TEX11: variants seen among roughly 807,000 people sequenced by gnomAD.
TEX11 encodes testis-expressed protein 11.
A neutral mutation model predicts 84.4 loss-of-function variants in TEX11; 7 were observed. The observed-to-expected ratio is 0.08, with a 90% CI of 0.05 to 0.16. The LOEUF (loss-of-function observed/expected upper bound fraction) is 0.16, where lower values mean the gene tolerates loss of function less well. Ranked by LOEUF, TEX11 falls within the 10% of genes least tolerant of loss-of-function variation. TEX11 has a pLI of 1.00. For missense variants in TEX11, 551 were observed against 660.5 expected, an observed-to-expected ratio of 0.83 and a Z score of 1.82; for synonymous variants, 264 against 222.8, an observed-to-expected ratio of 1.18 and a Z score of -1.64.
At chrX:70,665,113 T>C (rs371204078) in intron 16 of TEX11, among the ~76,000 whole-genome samples, 1 of 110,763 alleles carries the variant, frequency 9.0e-6, no homozygotes, top group East Asian at 2.8e-4. Flanking sequence ...GGTTTGAGAG[T>C]GTGGTTCAGT....
intron 9 of TEX11, among the ~76,000 whole-genome samples, chrX:70,788,959 TATATATATATATATAGAGAGAGAGAGAG>T (rs1168254039): frequency 2.0e-4 from 9 of 44,067 alleles, no homozygotes; most frequent in African/African-American, 6.0e-4. Flanking sequence ...TATATATATA[TATATATATATATATAGAGAGAGAGAGAG>T]AGAGAGAGAG....
chrX:70,560,893 G>GTTTTTTTTTTTTTTTTTTTTTTTTTT (rs745618647), intron 25 of TEX11, among the ~76,000 whole-genome samples: 1 of 33,576 alleles, frequency 3.0e-5, no homozygotes, highest in Non-Finnish European at 4.7e-5. Context: ...CACCACACCG[G>GTTTTTTTTTTTTTTTTTTTTTTTTTT]TTTTTTTTTT....
intron 7 of TEX11, among the ~76,000 whole-genome samples, chrX:70,843,012 C>T (rs1212779158): frequency 2.4e-4 from 27 of 111,978 alleles, no homozygotes; most frequent in Non-Finnish European, 1.3e-4. Flanking sequence ...ATTCCATGCT[C>T]ATGGGTAGAA....
intron 12 of TEX11, among the ~76,000 whole-genome samples, chrX:70,724,661 C>T (rs1378780175): frequency 9.0e-6 from 1 of 111,085 alleles, no homozygotes; most frequent in Non-Finnish European, 1.9e-5. Flanking sequence ...ATAATAATAA[C>T]TACAGTAATA....
intron 7 of TEX11, among the ~76,000 whole-genome samples, chrX:70,847,459 T>C (rs2091485785): frequency 9.0e-6 from 1 of 111,490 alleles, no homozygotes; most frequent in Non-Finnish European, 1.9e-5. Context: ...TTCTCCAAAC[T>C]CTCTTCTCGT....
At chrX:70,661,435 C>T (rs907480044) in intron 16 of TEX11, among the ~76,000 whole-genome samples, 4 of 112,685 alleles carry the variant, frequency 3.5e-5, no homozygotes, top group Admixed American at 1.9e-4. Context: ...CCTCTGTAGA[C>T]TCCACCTCTG....
intron 20 of TEX11, among the ~76,000 whole-genome samples, chrX:70,621,470 GAGATCACAC>G (rs1324613681): frequency 1.3e-5 from 1 of 77,719 alleles, no homozygotes; most frequent in Admixed American, 1.8e-4. Context: ...GCAGTGAGCC[GAGATCACAC>G]CACTGCACTC....
chrX:70,553,084 T>G (rs2147947230), intron 27 of TEX11, among the ~76,000 whole-genome samples: 1 of 112,143 alleles, frequency 8.9e-6, no homozygotes, highest in South Asian at 3.7e-4. Flanking sequence ...AAGAAGCAAC[T>G]TTTCCCCTTT....
At chrX:70,590,855 C>G (rs1213722608) in intron 25 of TEX11, among the ~76,000 whole-genome samples, 2 of 111,471 alleles carry the variant, frequency 1.8e-5, no homozygotes, top group East Asian at 5.7e-4. Flanking sequence ...TCAAGAGATT[C>G]AAGGATGCCT....
At chrX:70,896,721 G>GGA (rs2091767882) in intron 2 of TEX11, among the ~76,000 whole-genome samples, 1 of 111,070 alleles carries the variant, frequency 9.0e-6, no homozygotes, top group Admixed American at 9.7e-5. Context: ...TCCTTTGCAG[G>GGA]GACATGGATG....
At position 70,675,607 on chromosome X, in the gene TEX11, C is replaced by T. The variant is rs185323236; in HGVS notation, c.1242+3197G>A. 7.5e-5 allele frequency among the ~76,000 whole-genome samples: 8 copies of T among 107,129 alleles called. No homozygotes were observed. In the Admixed American group the frequency reaches 8.1e-4, roughly 11 times the overall value. 93.0% of individuals were successfully genotyped at this position (107,129 alleles called of 115,157 possible). A position where few individuals can be genotyped will look rare whatever the true frequency, so the allele number is the denominator to read the frequency against. On this transcript the variant is annotated intron_variant, in intron 15 of 29. Transcript: ENST00000374333. Reference sequence around the variant, plus strand: ...TTCTTTCTCTTCTCGTTTCTCTTCTCTTCTCTTCCCCTCTTCCTTTCTGTT... The same window carrying T: ...TTCTTTCTCTTCTCGTTTCTCTTCTTTTCTCTTCCCCTCTTCCTTTCTGTT...
intron 9 of TEX11, among the ~76,000 whole-genome samples, chrX:70,776,295 T>C (rs1438694862): frequency 9.0e-6 from 1 of 110,656 alleles, no homozygotes; most frequent in African/African-American, 3.3e-5. Flanking sequence ...AAGAATAAGA[T>C]CCATGCCTGT....
intron 9 of TEX11, among the ~76,000 whole-genome samples, chrX:70,778,773 T>C (rs1033150032): frequency 9.0e-6 from 1 of 111,585 alleles, no homozygotes; most frequent in African/African-American, 3.3e-5. Context: ...TAAAAAAAAC[T>C]AAAATCATAT....
chrX:70,693,408 A>G (rs2090253644), intron 13 of TEX11, among the ~76,000 whole-genome samples: 1 of 112,280 alleles, frequency 8.9e-6, no homozygotes, highest in Non-Finnish European at 1.9e-5. Context: ...ATATTTATAT[A>G]CAATGGAATA....
Position 70,744,241 on chromosome X carries a change from A to T in TEX11, c.693-22T>A, listed in dbSNP as rs113837311. ...TTGGCTATCATTAAAAAGGAAAAAA[A>T]ATATATATATATATATAAACATATA... On this transcript the variant is annotated intron_variant, in intron 9 of 29. Transcript: ENST00000374333. 482 of 634,107 alleles carry T rather than the reference A, an allele frequency of 7.6e-4. 1 individual carries two copies. Among genetic ancestry groups the T allele is most frequent in the Middle Eastern group, 1.3e-3 (2 of 1,588 alleles). 52.3% of individuals were successfully genotyped at this position (634,107 alleles called of 1,213,427 possible).
At chrX:70,561,371 A>G (rs2088369882) in intron 25 of TEX11, among the ~76,000 whole-genome samples, 1 of 100,788 alleles carries the variant, frequency 9.9e-6, no homozygotes, top group African/African-American at 3.6e-5. Context: ...CCTGTATCCA[A>G]CAACCATATC....
intron 2 of TEX11, among the ~76,000 whole-genome samples, chrX:70,903,621 T>A (rs2091814604): frequency 9.1e-6 from 1 of 110,353 alleles, no homozygotes; most frequent in Admixed American, 9.7e-5. Context: ...ATAGAGCATG[T>A]TTAAAGGATA....
chrX:70,629,643 G>A lies in TEX11; in HGVS notation c.1576C>T (p.Leu526Phe). ...LVAERGSPTMLLSLAAQFALE... is the reference protein window; with the variant it reads ...LVAERGSPTMFLSLAAQFALE... Reference sequence around the variant, plus strand: ...GCAAACTGGGCAGCTAAACTTAGAAGCATGGTAGGTGAACCTCTCTCTGCA... The same window carrying A: ...GCAAACTGGGCAGCTAAACTTAGAAACATGGTAGGTGAACCTCTCTCTGCA... The change falls in exon 18 of 30, where the codon CTT becomes TTT. Residue 526 changes from leucine to phenylalanine, a missense_variant. Transcript: ENST00000374333. The A allele has an allele frequency of 8.3e-7, 1 of 1,208,407 alleles. No individual in the cohort carries two copies. The highest frequency in any genetic ancestry group is 1.8e-5 in the South Asian group (1 of 56,742).
At chrX:70,740,176 A>G (rs931516172) in intron 11 of TEX11, among the ~76,000 whole-genome samples, 2 of 112,044 alleles carry the variant, frequency 1.8e-5, no homozygotes, top group Non-Finnish European at 3.8e-5. Flanking sequence ...TCATGCTGCT[A>G]TAACAAAATA....
Sources: gnomAD v4.1 joint callset for allele counts (sites outside exome capture counted in the v4.1 genomes callset) on GRCh38, gnomAD v4.1.1 for gene constraint, MANE v1.5 for transcripts, NCBI Gene and HGNC (gene_info 2026-07-23, HGNC 2026-07-21) for gene names.